Variants in MOSMO observed in about 807,000 individuals in gnomAD.
The protein encoded by MOSMO is modulator of smoothened protein.
Under a neutral mutation model 18.4 loss-of-function variants are expected in MOSMO, and 5 were observed. The observed-to-expected ratio is 0.27, with a 90% CI of 0.14 to 0.57. MOSMO has a LOEUF of 0.57. Ranked by LOEUF, MOSMO falls within the 20% of genes least tolerant of loss-of-function variation. MOSMO has a pLI of 0.92. For synonymous variants in MOSMO, 82 were observed against 82.3 expected (o/e 1.00, Z 0.02); for missense variants, 138 against 211.8 (o/e 0.65, Z 2.16).
chr16:22,027,264 C>T (rs1899894880), intron 1 of MOSMO, among the ~76,000 whole-genome samples: 1 of 152,122 alleles, frequency 6.6e-6, no homozygotes, highest in Non-Finnish European at 1.5e-5. Context: ...GTGGAAAATG[C>T]GCCACTTGTC....
chr16:22,034,519 A>G (rs1900061909), intron 1 of MOSMO, among the ~76,000 whole-genome samples: 1 of 152,072 alleles, frequency 6.6e-6, no homozygotes, highest in Non-Finnish European at 1.5e-5. Flanking sequence ...AACACTTAAA[A>G]TATTTCACTC....
At chr16:22,045,896 C>CT (rs1900299045) in intron 1 of MOSMO, among the ~76,000 whole-genome samples, 1 of 147,142 alleles carries the variant, frequency 6.8e-6, no homozygotes, top group Non-Finnish European at 1.5e-5. Flanking sequence ...TTTTTTTATA[C>CT]TTTAAGTTTT....
intron 2 of MOSMO, among the ~76,000 whole-genome samples, chr16:22,078,947 T>G (rs1231648779): frequency 6.6e-6 from 1 of 152,230 alleles, no homozygotes; most frequent in Non-Finnish European, 1.5e-5. Context: ...AGTTTGCTTA[T>G]GTAATATTAT....
At chr16:22,069,930 G>A (rs995448257) in intron 1 of MOSMO, among the ~76,000 whole-genome samples, 5 of 152,206 alleles carry the variant, frequency 3.3e-5, no homozygotes, top group African/African-American at 1.2e-4. Context: ...GAAGAGGATA[G>A]ATATGAAAAG....
At chr16:22,050,893 A>AAAAAAAAAC in intron 1 of MOSMO, among the ~76,000 whole-genome samples, 1 of 151,334 alleles carries the variant, frequency 6.6e-6, no homozygotes, top group Non-Finnish European at 1.5e-5. Context: ...TTAAGAAAAA[A>AAAAAAAAAC]AAAAAAAAAA....
At chr16:22,033,021 T>G (rs1051772058) in intron 1 of MOSMO, among the ~76,000 whole-genome samples, 1 of 152,200 alleles carries the variant, frequency 6.6e-6, no homozygotes. Context: ...TTCTGGAATC[T>G]CAAGTTTTTT....
intron 1 of MOSMO, among the ~76,000 whole-genome samples, chr16:22,018,532 A>T (rs1218546988): frequency 3.9e-5 from 6 of 152,212 alleles, no homozygotes; most frequent in Non-Finnish European, 7.3e-5. Flanking sequence ...ATATTTTAAA[A>T]ATCTTCCCAT....
chr16:22,086,897 T>A (rs1400041502), downstream of MOSMO: 1 of 152,198 alleles, frequency 6.6e-6, no homozygotes, highest in Non-Finnish European at 1.5e-5. Context: ...GAAACCATAT[T>A]TCCTGGAGAT....
intron 1 of MOSMO, among the ~76,000 whole-genome samples, chr16:22,026,591 A>G (rs1460716989): frequency 6.6e-6 from 1 of 152,176 alleles, no homozygotes; most frequent in Non-Finnish European, 1.5e-5. Flanking sequence ...GTGGTGAGAC[A>G]TACGGGAAGG....
intron 1 of MOSMO, among the ~76,000 whole-genome samples, chr16:22,011,602 G>GGATC (rs1899529460): frequency 6.6e-6 from 1 of 152,134 alleles, no homozygotes; most frequent in African/African-American, 2.4e-5. Flanking sequence ...GAATGGCAGG[G>GGATC]GATCGTAGGC....
intron 1 of MOSMO, among the ~76,000 whole-genome samples, chr16:22,036,006 G>T (rs989613237): frequency 1.3e-5 from 2 of 152,092 alleles, no homozygotes; most frequent in African/African-American, 2.4e-5. Flanking sequence ...AAGCTTATTA[G>T]TTCTAATAAT....
chr16:22,039,410 T>C (rs1900169098), intron 1 of MOSMO, among the ~76,000 whole-genome samples: 1 of 152,236 alleles, frequency 6.6e-6, no homozygotes, highest in South Asian at 2.1e-4. Flanking sequence ...GCTCTACGCC[T>C]GATACAGCCT....
chr16:22,074,428 AT>A (rs1244192681), intron 1 of MOSMO, among the ~76,000 whole-genome samples: 1 of 152,096 alleles, frequency 6.6e-6, no homozygotes, highest in Non-Finnish European at 1.5e-5. Context: ...GACCAAAAAA[AT>A]CCCCCCAAAA....
intron 1 of MOSMO, among the ~76,000 whole-genome samples, chr16:22,013,237 C>T (rs988807313): frequency 6.6e-6 from 1 of 152,092 alleles, no homozygotes; most frequent in East Asian, 1.9e-4. Context: ...TCACATTTTC[C>T]CCCACATGGT....
chr16:22,086,847 T>C (rs568154920), downstream of MOSMO: 10 of 152,294 alleles, frequency 6.6e-5, no homozygotes, highest in African/African-American at 2.4e-4. Flanking sequence ...CACTGAATTA[T>C]GAAAATTAAA....
intron 1 of MOSMO, among the ~76,000 whole-genome samples, chr16:22,056,645 A>G (rs1900544613): frequency 1.3e-5 from 2 of 151,624 alleles, no homozygotes; most frequent in African/African-American, 4.8e-5. Flanking sequence ...CGGCCTCCCA[A>G]AGTGCTGGGA....
chr16:22,056,548 A>G (rs1900540757), intron 1 of MOSMO, among the ~76,000 whole-genome samples: 1 of 148,164 alleles, frequency 6.7e-6, no homozygotes. Flanking sequence ...TTTTATATAT[A>G]TATATATTTT....
At chr16:22,060,689 A>G (rs1047482137) in intron 1 of MOSMO, among the ~76,000 whole-genome samples, 2 of 152,160 alleles carry the variant, frequency 1.3e-5, no homozygotes, top group Admixed American at 6.5e-5. Flanking sequence ...TCTGGCCAAC[A>G]TGGTGATACT....
chr16:22,092,457 C>G (rs1373604876), downstream of MOSMO: 3 of 629,892 alleles, frequency 4.8e-6, no homozygotes, highest in Non-Finnish European at 5.2e-6. Flanking sequence ...GAAGGTTTTC[C>G]CTTTCCCTGC....
Sources: gnomAD v4.1 joint callset for allele counts (sites outside exome capture counted in the v4.1 genomes callset) on GRCh38, gnomAD v4.1.1 for gene constraint, MANE v1.5 for transcripts, NCBI Gene and HGNC (gene_info 2026-07-23, HGNC 2026-07-21) for gene names.